The following NBAS variants were observed in gnomAD, a reference collection of about 807,000 sequenced individuals.
NBAS encodes NAG/BC035112 fusion.
A neutral mutation model predicts 302.5 loss-of-function variants in NBAS; 219 were observed. That is an observed-to-expected ratio of 0.72 (90% CI 0.65 to 0.81). The LOEUF (loss-of-function observed/expected upper bound fraction) is 0.81. Ranked by LOEUF, NBAS falls within the 30% of genes least tolerant of loss-of-function variation. The pLI is 0.00. For synonymous variants in NBAS, 1,118 were observed against 1,021.6 expected, an observed-to-expected ratio of 1.09 and a Z score of -1.80; for missense variants, 2,932 against 2,841.6, an observed-to-expected ratio of 1.03 and a Z score of -0.72.
the NBAS span, among the ~76,000 whole-genome samples, chr2:15,050,252 T>G: frequency 2.2e-4 from 33 of 152,100 alleles, no homozygotes; most frequent in African/African-American, 8.0e-4. Flanking sequence ...TTTTTTAAAT[T>G]TTTTCTTTCT....
chr2:15,165,112 A>G (rs1398645061), downstream of NBAS, among the ~76,000 whole-genome samples: 1 of 152,238 alleles, frequency 6.6e-6, no homozygotes, highest in Non-Finnish European at 1.5e-5. Flanking sequence ...AGGTCTCAGG[A>G]GGGATTCTGT....
chr2:14,822,313 C>T, the NBAS span, among the ~76,000 whole-genome samples: 1 of 151,910 alleles, frequency 6.6e-6, no homozygotes, highest in East Asian at 1.9e-4. Flanking sequence ...TCAATTTTTC[C>T]CAGAAAAAAA....
chr2:14,845,465 G>A, the NBAS span, among the ~76,000 whole-genome samples: 5 of 152,162 alleles, frequency 3.3e-5, no homozygotes, highest in African/African-American at 2.4e-5. Context: ...TGTAAAGACT[G>A]CACTAAATCC....
chr2:15,024,017 A>T, the NBAS span, among the ~76,000 whole-genome samples: 1 of 152,016 alleles, frequency 6.6e-6, no homozygotes, highest in Non-Finnish European at 1.5e-5. Flanking sequence ...CAGGTTTGTT[A>T]TATAGGTAAA....
chr2:15,452,995 A>T (rs1679091029), intron 21 of NBAS, among the ~76,000 whole-genome samples: 1 of 152,232 alleles, frequency 6.6e-6, no homozygotes, highest in Non-Finnish European at 1.5e-5. Context: ...ATACTATGAC[A>T]TCTGCAAACA....
At chr2:15,219,918 T>C (rs1336196295) in intron 47 of NBAS, among the ~76,000 whole-genome samples, 3 of 144,650 alleles carry the variant, frequency 2.1e-5, no homozygotes, top group Admixed American at 1.5e-4. Context: ...GAAGCGCCCC[T>C]CACCTCCCGG....
intron 35 of NBAS, among the ~76,000 whole-genome samples, chr2:15,342,192 G>A (rs569101837): frequency 2.0e-5 from 3 of 152,226 alleles, no homozygotes; most frequent in South Asian, 2.1e-4. Flanking sequence ...AGATGTGTAC[G>A]TAGAATGCAC....
intron 44 of NBAS, among the ~76,000 whole-genome samples, chr2:15,251,235 C>T (rs912121246): frequency 6.6e-6 from 1 of 152,162 alleles, no homozygotes; most frequent in Non-Finnish European, 1.5e-5. Flanking sequence ...CATGTTCTCA[C>T]TTATAAGTGG....
chr2:15,298,994 A>G (rs945597279), intron 40 of NBAS, among the ~76,000 whole-genome samples: 5 of 152,070 alleles, frequency 3.3e-5, no homozygotes, highest in African/African-American at 1.2e-4. Flanking sequence ...ATCCAGCTTC[A>G]CACCCAGAAT....
intron 31 of NBAS, among the ~76,000 whole-genome samples, chr2:15,369,837 G>A (rs1461294672): frequency 6.6e-6 from 1 of 152,102 alleles, no homozygotes; most frequent in Non-Finnish European, 1.5e-5. Context: ...ACACATACAC[G>A]TGCATGCACG....
At chr2:14,859,717 G>C in the NBAS span, among the ~76,000 whole-genome samples, 1 of 152,028 alleles carries the variant, frequency 6.6e-6, no homozygotes, top group Admixed American at 6.6e-5. Context: ...TTTCAGACAT[G>C]AAACTATGAC....
In NBAS at chr2:15,396,433, G is replaced by C. The variant is rs747048555; in HGVS notation, c.3114C>G (p.Asp1038Glu). ...CTCACCTGAGAATTTGTTCCAGTTG[G>C]TCTACCATGTCATGAAGCTTTGTGG... ...EATTKLHDMV[D>E]QLEQILSVSE... is the part of the protein sequence containing the mutation. Residue 1038 changes from aspartate (D) to glutamate (E), a missense_variant, in exon 27 of 52, where the codon GAC (aspartate) becomes GAG (glutamate). Transcript: ENST00000281513. 3.7e-6 allele frequency: 6 copies of C among 1,604,804 alleles called. No individual in the cohort carries two copies. The Admixed American group carries it at 1.0e-4, about 27-fold the overall frequency.
At chr2:15,557,731 G>A (rs76413206) in intron 2 of NBAS, among the ~76,000 whole-genome samples, 3,145 of 152,146 alleles carry the variant, frequency 0.021, 124 homozygotes, top group African/African-American at 0.072. Flanking sequence ...CCAAATGAAT[G>A]ACCTTGAGCA....
At chr2:15,164,235 G>C (rs1663961600), downstream of NBAS, among the ~76,000 whole-genome samples, 1 of 152,228 alleles carries the variant, frequency 6.6e-6, no homozygotes, top group South Asian at 2.1e-4. Flanking sequence ...GAACAGAAAA[G>C]GGAAATGGGA....
chr2:15,415,638 C>G lies in NBAS; in HGVS notation c.2845G>C (p.Val949Leu), dbSNP rs74727069. The change falls in exon 25 of 52, where the codon GTG becomes CTG. Residue 949 changes from valine to leucine, a missense_variant. Val to Leu is a conservative substitution (Grantham distance 32, BLOSUM62 1). Coordinates refer to ENST00000281513, the MANE Select transcript of NBAS (RefSeq NM_015909.4). ...TATTCTTTTAATAGCTCATTAGCCA[C>G]ACCAGGCGACTGTTTCTCACAACGA... ...LHRCEKQSPG[V>L]ANELLKEYLV... is the part of the protein sequence containing the mutation. 8,763 of 1,614,118 alleles carry G rather than the reference C, an allele frequency of 5.4e-3. 160 individuals carry two copies. Among genetic ancestry groups the G allele is most frequent in the East Asian group, 0.05 (2,235 of 44,860 alleles).
At chr2:15,374,519 T>C in intron 31 of NBAS, 89 bp downstream of exon 31, 1 of 1,091,932 alleles carries the variant, frequency 9.2e-7, no homozygotes, top group Non-Finnish European at 1.4e-6. Flanking sequence ...TGACCAAAGC[T>C]ACTCTTTAGT....
chr2:15,072,970 A>G, the NBAS span, among the ~76,000 whole-genome samples: 1 of 152,126 alleles, frequency 6.6e-6, no homozygotes, highest in African/African-American at 2.4e-5. Flanking sequence ...CTCTACAAAA[A>G]TACAAAAATC....
intron 25 of NBAS, among the ~76,000 whole-genome samples, chr2:15,409,462 C>A (rs1264425568): frequency 6.6e-6 from 1 of 152,194 alleles, no homozygotes; most frequent in African/African-American, 2.4e-5. Flanking sequence ...ATATATTTTT[C>A]ATTTCTTCAC....
intron 50 of NBAS, among the ~76,000 whole-genome samples, chr2:15,180,996 T>A (rs559319860): frequency 6.6e-6 from 1 of 152,366 alleles, no homozygotes; most frequent in East Asian, 1.9e-4. Context: ...GTTCTAAATG[T>A]ACTGTATAAA....
Sources: gnomAD v4.1 joint callset for allele counts (sites outside exome capture counted in the v4.1 genomes callset) on GRCh38, gnomAD v4.1.1 for gene constraint, MANE v1.5 for transcripts, NCBI Gene and HGNC (gene_info 2026-07-23, HGNC 2026-07-21) for gene names.